The following ITPRID1 variants were observed in gnomAD, a reference collection of about 807,000 sequenced individuals.
ITPRID1 encodes the protein ITPR interacting domain containing 1.
ITPRID1 carries 96 observed loss-of-function variants against 95.4 expected under a neutral mutation model. The observed-to-expected ratio is 1.01, with a 90% CI of 0.85 to 1.19. The LOEUF (loss-of-function observed/expected upper bound fraction) is 1.19. ITPRID1 is among the 50% of genes most tolerant of loss of function. ITPRID1 has a pLI of 0.00. For synonymous variants in ITPRID1, 510 were observed against 453.6 expected (o/e 1.12, Z -1.58); for missense variants, 1,339 against 1,252.9 (o/e 1.07, Z -1.04).
chr7:31,518,013 T>C (rs1346086931), intron 1 of ITPRID1: 1 of 152,342 alleles, frequency 6.6e-6, no homozygotes, highest in African/African-American at 2.4e-5. Context: ...TGTGAGTAAG[T>C]TGAAGATCTT....
At chr7:31,620,442 C>G (rs570298455) in intron 10 of ITPRID1, among the ~76,000 whole-genome samples, 2 of 151,782 alleles carry the variant, frequency 1.3e-5, no homozygotes, top group East Asian at 3.9e-4. Context: ...CAGCAGCATT[C>G]GAGATTCACG....
intron 10 of ITPRID1, among the ~76,000 whole-genome samples, chr7:31,634,195 C>A (rs1290167330): frequency 1.3e-5 from 2 of 152,118 alleles, no homozygotes; most frequent in African/African-American, 2.4e-5. Flanking sequence ...GTAGTCCTGC[C>A]CCAAGCAGGG....
chr7:31,625,699 CCAA>C (rs1481983056), intron 10 of ITPRID1, among the ~76,000 whole-genome samples: 3 of 152,010 alleles, frequency 2.0e-5, no homozygotes, highest in South Asian at 2.1e-4. Context: ...GTGCAGCGCA[CCAA>C]CATGTCACAT....
At chr7:31,604,636 G>A (rs1176135879) in intron 10 of ITPRID1, among the ~76,000 whole-genome samples, 7 of 152,166 alleles carry the variant, frequency 4.6e-5, no homozygotes, top group African/African-American at 1.7e-4. Context: ...GTAATAAGCA[G>A]TCTAAACCAC....
intron 2 of ITPRID1, 69 bp downstream of exon 2, chr7:31,549,568 A>C: frequency 2.0e-5 from 22 of 1,101,190 alleles, no homozygotes; most frequent in Non-Finnish European, 2.6e-5. Flanking sequence ...TTTCATACTC[A>C]TTATAGATAT....
chr7:31,628,691 T>C (rs201490089), intron 10 of ITPRID1, among the ~76,000 whole-genome samples: 1 of 151,936 alleles, frequency 6.6e-6, no homozygotes, highest in African/African-American at 2.4e-5. Flanking sequence ...CTCCTGACCT[T>C]GTGATCCGCC....
rs1452211614 is a variant in ITPRID1, at chr7:31,643,435, C to T, written c.2065C>T (p.Pro689Ser). The T allele has an allele frequency of 9.3e-6, 15 of 1,614,014 alleles. No homozygotes were observed. The highest frequency in any genetic ancestry group is 1.3e-5 in the Non-Finnish European group (15 of 1,179,902). Residue 689 changes from proline to serine, a missense_variant, in exon 12 of 15, where the codon CCT becomes TCT. Pro to Ser is a moderately conservative substitution (Grantham distance 74). Transcript: ENST00000615280. ...GTCTGGTACTTTGGGTCAGATACTACCTGGGACAGAAGCTGAGATGGAAAA... is the reference window on the plus strand; with the variant it reads ...GTCTGGTACTTTGGGTCAGATACTATCTGGGACAGAAGCTGAGATGGAAAA... ...SRSGTLGQIL[P>S]GTEAEMENLP... is the part of the protein sequence containing the mutation.
rs1342358187 is a variant in ITPRID1 at position 31,551,264 on chromosome 7, T to C, written c.-23-1738T>C. Reference sequence around the variant, plus strand: ...AGATAAAGGCACTGCTGAAGAGTTATGTGTTTCCTTGAAAGACCCAAAACC... The same window carrying C: ...AGATAAAGGCACTGCTGAAGAGTTACGTGTTTCCTTGAAAGACCCAAAACC... On this transcript the variant is annotated intron_variant, in intron 2 of 14. Transcript: ENST00000615280. Among the ~76,000 whole-genome samples, 2 of 143,666 alleles carry C rather than the reference T, an allele frequency of 1.4e-5. 1 individual carries two copies. Among genetic ancestry groups the C allele is most frequent in the Non-Finnish European group, 3.1e-5 (2 of 63,756 alleles). 94.3% of individuals were successfully genotyped at this position (143,666 alleles called of 152,430 possible). A position where few individuals can be genotyped will look rare whatever the true frequency, so the allele number is the denominator to read the frequency against.
chr7:31,591,300 T>C (rs998928471), intron 10 of ITPRID1, among the ~76,000 whole-genome samples: 1 of 152,206 alleles, frequency 6.6e-6, no homozygotes, highest in Admixed American at 6.5e-5. Context: ...TGGTATCTAA[T>C]ATTTGATGAC....
intron 7 of ITPRID1, among the ~76,000 whole-genome samples, chr7:31,573,056 A>T (rs563056152): frequency 1.8e-4 from 28 of 152,304 alleles, no homozygotes; most frequent in African/African-American, 6.5e-4. Flanking sequence ...TGTCTGTGTC[A>T]GTGTAATCAA....
intron 10 of ITPRID1, among the ~76,000 whole-genome samples, chr7:31,583,874 G>A (rs140266244): frequency 1.1e-4 from 16 of 152,212 alleles, no homozygotes; most frequent in African/African-American, 3.6e-4. Context: ...TCATTTAACT[G>A]GGTCTCAGTT....
chr7:31,623,738 C>G (rs1788158314), intron 10 of ITPRID1, among the ~76,000 whole-genome samples: 1 of 148,476 alleles, frequency 6.7e-6, no homozygotes, highest in Non-Finnish European at 1.5e-5. Flanking sequence ...TATCACCACG[C>G]CTATTCAACA....
intron 10 of ITPRID1, among the ~76,000 whole-genome samples, chr7:31,637,185 C>T (rs922885669): frequency 7.2e-4 from 110 of 151,864 alleles, no homozygotes; most frequent in African/African-American, 2.1e-3. Flanking sequence ...TGAATAGTGC[C>T]GCAATAAACA....
At chr7:31,616,043 G>A (rs943858699) in intron 10 of ITPRID1, among the ~76,000 whole-genome samples, 1 of 152,008 alleles carries the variant, frequency 6.6e-6, no homozygotes, top group African/African-American at 2.4e-5. Context: ...GCACCCAGCC[G>A]AGTTTACTGA....
At chr7:31,515,917 GT>G (rs1282145205) in intron 1 of ITPRID1, among the ~76,000 whole-genome samples, 1 of 152,166 alleles carries the variant, frequency 6.6e-6, no homozygotes, top group Admixed American at 6.5e-5. Context: ...CTGAGCTTCT[GT>G]TTCATATAAG....
intron 10 of ITPRID1, among the ~76,000 whole-genome samples, chr7:31,619,774 G>A (rs894293657): frequency 5.9e-5 from 9 of 152,084 alleles, no homozygotes; most frequent in East Asian, 2.0e-4. Context: ...TGGGTGCAGC[G>A]CACCATGCAC....
intron 5 of ITPRID1, among the ~76,000 whole-genome samples, chr7:31,564,903 G>A (rs184742599): frequency 1.1e-4 from 17 of 152,242 alleles, no homozygotes; most frequent in Admixed American, 5.9e-4. Context: ...ATCCCTGTGA[G>A]AACTGGCACA....
chr7:31,537,052 T>G (rs987184210), intron 1 of ITPRID1, among the ~76,000 whole-genome samples: 1 of 149,736 alleles, frequency 6.7e-6, no homozygotes, highest in African/African-American at 2.5e-5. Context: ...AGCCATAGCC[T>G]GCTGTTGCTT....
chr7:31,588,716 G>C (rs376219146), intron 10 of ITPRID1, among the ~76,000 whole-genome samples: 1 of 151,146 alleles, frequency 6.6e-6, no homozygotes, highest in Non-Finnish European at 1.5e-5. Flanking sequence ...AAGAGAAGGA[G>C]GAAAATCACA....
Sources: gnomAD v4.1 joint callset for allele counts (sites outside exome capture counted in the v4.1 genomes callset) on GRCh38, gnomAD v4.1.1 for gene constraint, MANE v1.5 for transcripts, NCBI Gene and HGNC (gene_info 2026-07-23, HGNC 2026-07-21) for gene names.